The following HERC4 variants were observed in gnomAD, a reference collection of about 807,000 sequenced individuals.
The protein encoded by HERC4 is HECT and RLD domain containing E3 ubiquitin protein ligase 4.
HERC4 carries 28 observed loss-of-function variants against 124.3 expected under a neutral mutation model. The observed-to-expected ratio is 0.23, with a 90% confidence interval of 0.17 to 0.31. HERC4 has a LOEUF of 0.31. Ranked by LOEUF, HERC4 falls within the 10% of genes least tolerant of loss-of-function variation. The pLI is 1.00. For missense variants in HERC4, 713 were observed against 1,229.3 expected (o/e 0.58, Z 6.28); for synonymous variants, 407 against 421.5 (o/e 0.97, Z 0.42).
intron 9 of HERC4, among the ~76,000 whole-genome samples, chr10:68,004,961 G>C (rs1171182032): frequency 6.6e-5 from 10 of 152,166 alleles, no homozygotes; most frequent in Non-Finnish European, 1.2e-4. Context: ...CATATGAGGG[G>C]TCTAGTTTCA....
intron 3 of HERC4, among the ~76,000 whole-genome samples, chr10:68,063,046 G>A (rs2041111523): frequency 6.6e-6 from 1 of 151,982 alleles, no homozygotes. Flanking sequence ...CATCTGCTTA[G>A]TATACTATCT....
chr10:67,984,959 A>G (rs2036176322), intron 15 of HERC4, among the ~76,000 whole-genome samples: 1 of 152,246 alleles, frequency 6.6e-6, no homozygotes, highest in Non-Finnish European at 1.5e-5. Context: ...ACAAAAATTA[A>G]GAATTAAAAA....
intron 3 of HERC4, among the ~76,000 whole-genome samples, chr10:68,052,483 G>T (rs948911905): frequency 3.9e-5 from 6 of 152,006 alleles, no homozygotes; most frequent in Non-Finnish European, 7.4e-5. Flanking sequence ...TCCAACTTCA[G>T]TGTTTGTTTG....
chr10:68,013,944 G>A (rs1264879690), intron 9 of HERC4, 82 bp downstream of exon 9: 22 of 1,174,268 alleles, frequency 1.9e-5, no homozygotes, highest in South Asian at 1.2e-4. Flanking sequence ...GAATTCTTTC[G>A]CAGAAATCTT....
chr10:68,047,648 T>C (rs1222528942), intron 3 of HERC4, among the ~76,000 whole-genome samples: 1 of 152,172 alleles, frequency 6.6e-6, no homozygotes, highest in Non-Finnish European at 1.5e-5. Flanking sequence ...GTTCAACTTA[T>C]GTCCCATGGG....
intron 3 of HERC4, among the ~76,000 whole-genome samples, chr10:68,060,182 T>C (rs1395807309): frequency 6.6e-6 from 1 of 151,732 alleles, no homozygotes; most frequent in African/African-American, 2.4e-5. Context: ...TTACTGTTAT[T>C]ATTTTTTTAA....
chr10:67,926,971 C>T (rs1187278106), intron 23 of HERC4, among the ~76,000 whole-genome samples: 2 of 152,178 alleles, frequency 1.3e-5, no homozygotes, highest in Admixed American at 6.5e-5. Flanking sequence ...TGTACATTAT[C>T]CGGCACACAG....
chr10:68,038,190 T>G, intron 4 of HERC4, 21 bp from the exon 5 acceptor site: 1 of 1,253,746 alleles, frequency 8.0e-7, no homozygotes, highest in South Asian at 1.4e-5. Flanking sequence ...AGAAGACAGA[T>G]CAAGACCAGT....
intron 23 of HERC4, among the ~76,000 whole-genome samples, chr10:67,927,399 TATATATATATATATATATATA>T (rs1564910450): frequency 7.7e-4 from 6 of 7,812 alleles, no homozygotes; most frequent in African/African-American, 2.3e-3. Flanking sequence ...TATATATATA[TATATATATATATATATATATA>T]TATATATATA....
At chr10:67,982,448 CT>C (rs1377584438) in intron 15 of HERC4, among the ~76,000 whole-genome samples, 1 of 151,814 alleles carries the variant, frequency 6.6e-6, no homozygotes, top group African/African-American at 2.4e-5. Flanking sequence ...AACTAGACCC[CT>C]ATCTCTTACT....
At chr10:68,066,656 G>A (rs2041318018) in intron 3 of HERC4, among the ~76,000 whole-genome samples, 1 of 152,148 alleles carries the variant, frequency 6.6e-6, no homozygotes, top group Non-Finnish European at 1.5e-5. Flanking sequence ...CAAGTTCCAA[G>A]GTTAGCCACC....
At chr10:67,928,678 T>C (rs985032841) in intron 23 of HERC4, among the ~76,000 whole-genome samples, 22 of 152,222 alleles carry the variant, frequency 1.4e-4, no homozygotes, top group Non-Finnish European at 2.5e-4. Flanking sequence ...ATCCCAGCAC[T>C]TTGGGAGGCC....
At chr10:68,032,904 T>C in intron 6 of HERC4, 35 bp from the exon 7 acceptor site, 1 of 1,133,370 alleles carries the variant, frequency 8.8e-7, no homozygotes, top group Non-Finnish European at 1.3e-6. Flanking sequence ...AATAGTATTT[T>C]AAAAATCAAA....
chr10:68,044,336 G>T (rs2039914377), intron 4 of HERC4, 68 bp downstream of exon 4: 1 of 1,478,396 alleles, frequency 6.8e-7, no homozygotes, highest in Non-Finnish European at 9.2e-7. Context: ...AAGATAAGCA[G>T]AACAATTTAG....
intron 3 of HERC4, among the ~76,000 whole-genome samples, chr10:68,048,440 T>C (rs754336675): frequency 3.9e-5 from 6 of 152,044 alleles, no homozygotes; most frequent in Non-Finnish European, 8.8e-5. Context: ...ATCCCAACTA[T>C]ATGACAAGCT....
At chr10:68,001,220 A>G (rs900885600) in intron 9 of HERC4, among the ~76,000 whole-genome samples, 15 of 151,944 alleles carry the variant, frequency 9.9e-5, no homozygotes, top group African/African-American at 3.6e-4. Context: ...AAAAATTTAA[A>G]AATTAGCTGA....
intron 7 of HERC4, among the ~76,000 whole-genome samples, chr10:68,028,065 T>C: frequency 6.7e-6 from 1 of 149,980 alleles, no homozygotes; most frequent in Admixed American, 6.7e-5. Flanking sequence ...TTAATGGTCT[T>C]TGCCTAGATC....
intron 23 of HERC4, among the ~76,000 whole-genome samples, chr10:67,925,691 T>C (rs551997019): frequency 2.0e-5 from 3 of 152,214 alleles, no homozygotes; most frequent in Admixed American, 1.3e-4. Flanking sequence ...ATGAGGAATG[T>C]ATGACTTCTG....
At chr10:68,039,617 TTTAGCAGAATCCAACAAA>T in intron 4 of HERC4, 1 of 1,394,890 alleles carries the variant, frequency 7.2e-7, no homozygotes, top group Admixed American at 2.7e-5. Context: ...ACTGCTACAA[TTTAGCAGAATCCAACAAA>T]TTAGCAGGAT....
Sources: allele counts gnomAD v4.1 joint callset (sites outside exome capture counted in the v4.1 genomes callset), GRCh38; gene constraint gnomAD v4.1.1; transcripts MANE v1.5; gene names NCBI Gene and HGNC (gene_info 2026-07-23, HGNC 2026-07-21).